The following CTNNA3 variants were observed in gnomAD, a reference collection of about 807,000 sequenced individuals.
The protein encoded by CTNNA3 is catenin alpha-3.
In CTNNA3, 76 loss-of-function variants were observed where a neutral mutation model predicts 95.7. That is an observed-to-expected ratio of 0.79 (90% CI 0.66 to 0.96). The LOEUF (loss-of-function observed/expected upper bound fraction) is 0.96, where lower values mean the gene tolerates loss of function less well. Among genes scored for constraint, CTNNA3 ranks in the 40% least tolerant of loss-of-function variants. The pLI, the probability that CTNNA3 is intolerant of heterozygous loss-of-function variation, is 0.00. For missense variants in CTNNA3, 1,191 were observed against 1,089.8 expected (o/e 1.09, Z -1.31); for synonymous variants, 431 against 374.4 (o/e 1.15, Z -1.74).
At chr10:66,334,938 C>CT (rs2132333917) in intron 12 of CTNNA3, among the ~76,000 whole-genome samples, 1 of 152,046 alleles carries the variant, frequency 6.6e-6, no homozygotes, top group East Asian at 1.9e-4. Flanking sequence ...TCTTTTTATT[C>CT]TTTTTTCTGT....
intron 7 of CTNNA3, among the ~76,000 whole-genome samples, chr10:66,847,957 T>A (rs77038501): frequency 6.6e-6 from 1 of 151,848 alleles, no homozygotes; most frequent in Non-Finnish European, 1.5e-5. Context: ...ATAGATGAGA[T>A]AGATGGAGAG....
At chr10:66,014,526 C>G (rs867783549) in intron 15 of CTNNA3, among the ~76,000 whole-genome samples, 1 of 152,148 alleles carries the variant, frequency 6.6e-6, no homozygotes, top group Non-Finnish European at 1.5e-5. Context: ...TCTCTCACTT[C>G]TATGAGATAG....
At chr10:67,154,140 C>A (rs958472264) in intron 7 of CTNNA3, among the ~76,000 whole-genome samples, 10 of 151,818 alleles carry the variant, frequency 6.6e-5, no homozygotes, top group Non-Finnish European at 1.3e-4. Context: ...TTTAAACAAG[C>A]CTATACATAT....
At chr10:66,734,818 G>C (rs1166271290) in intron 9 of CTNNA3, among the ~76,000 whole-genome samples, 1 of 150,440 alleles carries the variant, frequency 6.6e-6, no homozygotes, top group Non-Finnish European at 1.5e-5. Context: ...AGCTGAGACT[G>C]TGCCACTGCA....
intron 9 of CTNNA3, among the ~76,000 whole-genome samples, chr10:66,635,936 C>G (rs1205605344): frequency 1.3e-5 from 2 of 151,450 alleles, no homozygotes; most frequent in Non-Finnish European, 2.9e-5. Flanking sequence ...CAGAGAAAGC[C>G]CCTTGTCTCT....
intron 12 of CTNNA3, among the ~76,000 whole-genome samples, chr10:66,357,100 C>A (rs191900984): frequency 6.6e-6 from 1 of 152,004 alleles, no homozygotes; most frequent in Non-Finnish European, 1.5e-5. Context: ...TTTGATCCCT[C>A]GGGTATTACT....
At position 67,652,734 on chromosome 10, in the gene CTNNA3, C is replaced by CTTACA. The variant is rs113552371; in HGVS notation, c.-5-5217_-5-5216insTGTAA. On this transcript the variant is annotated intron_variant, in intron 1 of 17. Coordinates refer to ENST00000433211, the MANE Select transcript of CTNNA3 (RefSeq NM_013266.4). ...TTGTTTTTCTACTCAATTCAATTCCCTTAATCTTTGTTCCACCCTTGCCAA... is the reference window on the plus strand; with the variant it reads ...TTGTTTTTCTACTCAATTCAATTCCCTTACATTAATCTTTGTTCCACCCTTGCCAA... Among the ~76,000 whole-genome samples, 1,314 of 151,646 alleles carry CTTACA rather than the reference C, an allele frequency of 8.7e-3. 16 individuals carry two copies. Among genetic ancestry groups the CTTACA allele is most frequent in the African/African-American group, 0.03 (1,244 of 41,268 alleles).
chr10:67,753,464 T>G (rs1002715152), intron 1 of CTNNA3, among the ~76,000 whole-genome samples: 1 of 151,878 alleles, frequency 6.6e-6, no homozygotes, highest in South Asian at 2.1e-4. Context: ...AATTGACAAA[T>G]AGGACCTAAT....
intron 5 of CTNNA3, among the ~76,000 whole-genome samples, chr10:67,244,166 A>C (rs1458840395): frequency 6.6e-6 from 1 of 152,226 alleles, no homozygotes; most frequent in African/African-American, 2.4e-5. Flanking sequence ...TGACTAGGCT[A>C]AGTAGATTTG....
At chr10:67,405,119 A>C (rs1845087299) in intron 5 of CTNNA3, among the ~76,000 whole-genome samples, 1 of 152,246 alleles carries the variant, frequency 6.6e-6, no homozygotes, top group Non-Finnish European at 1.5e-5. Flanking sequence ...TGAAGTATAC[A>C]GACCAGTGAC....
chr10:66,101,629 A>T (rs2081635042), intron 14 of CTNNA3, among the ~76,000 whole-genome samples: 2 of 152,222 alleles, frequency 1.3e-5, no homozygotes, highest in South Asian at 4.1e-4. Context: ...TAGATGCAAG[A>T]TATTATTGTT....
At chr10:67,258,557 G>A (rs767618938) in intron 5 of CTNNA3, among the ~76,000 whole-genome samples, 2 of 152,074 alleles carry the variant, frequency 1.3e-5, no homozygotes, top group South Asian at 2.1e-4. Context: ...TTGTTTAGCC[G>A]ACAACTTTGA....
chr10:66,447,774 T>G (rs2093433372), intron 11 of CTNNA3, among the ~76,000 whole-genome samples: 1 of 151,958 alleles, frequency 6.6e-6, no homozygotes, highest in Non-Finnish European at 1.5e-5. Flanking sequence ...GGGCAAGGAC[T>G]TCATGTCTAA....
At chr10:67,079,955 G>A (rs1437691269) in intron 7 of CTNNA3, among the ~76,000 whole-genome samples, 2 of 151,108 alleles carry the variant, frequency 1.3e-5, no homozygotes, top group African/African-American at 4.9e-5. Flanking sequence ...TGTCAAGAGA[G>A]GAGTAAAATA....
chr10:66,276,582 A>G (rs1448524184), intron 13 of CTNNA3, among the ~76,000 whole-genome samples: 1 of 152,148 alleles, frequency 6.6e-6, no homozygotes, highest in Non-Finnish European at 1.5e-5. Context: ...TTTGCATTTA[A>G]CAGTCTATCA....
chr10:66,742,710 G>A (rs1029367212), intron 9 of CTNNA3, among the ~76,000 whole-genome samples: 9 of 152,146 alleles, frequency 5.9e-5, no homozygotes, highest in East Asian at 1.9e-4. Flanking sequence ...GTGAAATATC[G>A]GGGGTGAATT....
chr10:66,122,567 C>A (rs1228155425), intron 13 of CTNNA3, among the ~76,000 whole-genome samples: 1 of 152,066 alleles, frequency 6.6e-6, no homozygotes, highest in African/African-American at 2.4e-5. Context: ...AAACCAAAGA[C>A]ATCTTGAAGA....
rs558511960 is a variant in CTNNA3, at chr10:66,691,176, G to A, written c.1282-69392C>T. 2.9e-3 allele frequency among the ~76,000 whole-genome samples: 441 copies of A among 152,276 alleles called. 2 individuals are homozygous for A. The highest frequency in any genetic ancestry group is 9.4e-3 in the African/African-American group (389 of 41,556). On this transcript the variant is annotated intron_variant, in intron 9 of 17. Coordinates refer to ENST00000433211, the MANE Select transcript of CTNNA3 (RefSeq NM_013266.4). ...CAAGGCATTGCCTCACTCAGGAAGC[G>A]CAAGGGGTCAGGGAGTTCCCTTTCC...
chr10:66,931,576 C>T (rs915294998), intron 7 of CTNNA3, among the ~76,000 whole-genome samples: 2 of 152,178 alleles, frequency 1.3e-5, no homozygotes, highest in Non-Finnish European at 2.9e-5. Context: ...AGACTAACCA[C>T]AGCTATTCAC....
Sources: allele counts gnomAD v4.1 joint callset (sites outside exome capture counted in the v4.1 genomes callset), GRCh38; gene constraint gnomAD v4.1.1; transcripts MANE v1.5; gene names NCBI Gene and HGNC (gene_info 2026-07-23, HGNC 2026-07-21).